Variants in ZNG1E observed in about 807,000 individuals in gnomAD.
ZNG1E encodes Zn regulated GTPase metalloprotein activator 1E.
the ZNG1E span, among the ~76,000 whole-genome samples, chr9:65,699,093 ATTTTT>A: frequency 7.7e-5 from 10 of 129,484 alleles, no homozygotes; most frequent in Admixed American, 6.4e-4. Context: ...ATTTTATTTT[ATTTTT>A]TTTTAGTAGA....
At chr9:65,683,949 T>G in the ZNG1E span, among the ~76,000 whole-genome samples, 2 of 152,286 alleles carry the variant, frequency 1.3e-5, no homozygotes, top group Admixed American at 1.3e-4. Flanking sequence ...ATAGCAAATA[T>G]CAGTTTATTT....
the ZNG1E span, among the ~76,000 whole-genome samples, chr9:65,674,051 T>A: frequency 2.0e-5 from 3 of 151,988 alleles, no homozygotes; most frequent in African/African-American, 7.3e-5. Flanking sequence ...AAAAAGCTTA[T>A]GAACCATTGT....
At chr9:65,716,486 G>C in the ZNG1E span, among the ~76,000 whole-genome samples, 1 of 149,224 alleles carries the variant, frequency 6.7e-6, no homozygotes, top group African/African-American at 2.5e-5. Context: ...TTTTGCCTTA[G>C]CCATGCCCTT....
chr9:65,663,801 CTCT>C, the ZNG1E span, among the ~76,000 whole-genome samples: 2 of 148,404 alleles, frequency 1.3e-5, no homozygotes, highest in African/African-American at 2.5e-5. Context: ...TTTTATATGC[CTCT>C]TGTAACCAGT....
chr9:65,684,677 G>T, the ZNG1E span, among the ~76,000 whole-genome samples: 3 of 152,072 alleles, frequency 2.0e-5, no homozygotes, highest in Non-Finnish European at 4.4e-5. Context: ...CTGGGAGCTT[G>T]TTAGAAATGC....
chr9:65,731,157 A>AT, the ZNG1E span, among the ~76,000 whole-genome samples: 1 of 151,408 alleles, frequency 6.6e-6, no homozygotes, highest in Admixed American at 6.6e-5. Flanking sequence ...TGGGTAGCTT[A>AT]TTTTTTTGAC....
chr9:65,682,353 C>G, the ZNG1E span: 1 of 150,910 alleles, frequency 6.6e-6, no homozygotes, highest in African/African-American at 2.5e-5. Context: ...AATTTAAAAC[C>G]TTGCATCCTA....
the ZNG1E span, among the ~76,000 whole-genome samples, chr9:65,712,872 T>C: frequency 3.6e-3 from 313 of 87,078 alleles, no homozygotes; most frequent in African/African-American, 4.2e-3. Context: ...CTATTAGGTC[T>C]GCTTGGTGCA....
chr9:65,694,293 TTG>T, the ZNG1E span, among the ~76,000 whole-genome samples: 1 of 143,704 alleles, frequency 7.0e-6, no homozygotes, highest in Admixed American at 7.1e-5. Context: ...CTAAGACATT[TTG>T]TTTTTTTTTT....
the ZNG1E span, among the ~76,000 whole-genome samples, chr9:65,656,069 A>C: frequency 1.1e-4 from 16 of 148,010 alleles, no homozygotes; most frequent in African/African-American, 4.1e-4. Flanking sequence ...AGCACGAGTC[A>C]GAGTTGTAAT....
the ZNG1E span, chr9:65,700,860 C>T: frequency 6.6e-6 from 1 of 152,478 alleles, no homozygotes; most frequent in Admixed American, 6.3e-5. Context: ...TTGACTTCAT[C>T]TTCCTTAACT....
chr9:65,694,084 A>C, the ZNG1E span, among the ~76,000 whole-genome samples: 13 of 150,578 alleles, frequency 8.6e-5, no homozygotes, highest in African/African-American at 3.2e-4. Context: ...GAATCAAAGA[A>C]TGATCCCAAA....
the ZNG1E span, among the ~76,000 whole-genome samples, chr9:65,666,516 C>A: frequency 0.012 from 1,698 of 139,540 alleles, 5 homozygotes; most frequent in Middle Eastern, 0.021. Flanking sequence ...CTTCTCCATA[C>A]CCTCTTTGTC....
At chr9:65,679,641 G>A in the ZNG1E span, 2 of 284,786 alleles carry the variant, frequency 7.0e-6, no homozygotes, top group Admixed American at 1.0e-4. Flanking sequence ...TGCCACCTCT[G>A]TCTCCCGGGT....
chr9:65,656,621 C>T, the ZNG1E span, among the ~76,000 whole-genome samples: 1 of 152,292 alleles, frequency 6.6e-6, no homozygotes, highest in African/African-American at 2.4e-5. Context: ...GTCCCTCTCC[C>T]AGCCTGGCAG....
At chr9:65,680,677 G>C in the ZNG1E span, among the ~76,000 whole-genome samples, 2 of 152,214 alleles carry the variant, frequency 1.3e-5, no homozygotes. Flanking sequence ...TTCTGTATTA[G>C]AGGAAAAGTA....
At chr9:65,676,573 A>G in the ZNG1E span, among the ~76,000 whole-genome samples, 7 of 145,422 alleles carry the variant, frequency 4.8e-5, no homozygotes, top group East Asian at 1.9e-4. Flanking sequence ...TTTCGTCAGC[A>G]GATTCCCCTT....
At chr9:65,671,685 A>G in the ZNG1E span, among the ~76,000 whole-genome samples, 2 of 152,030 alleles carry the variant, frequency 1.3e-5, no homozygotes, top group Non-Finnish European at 2.9e-5. Flanking sequence ...GATAGAGCAG[A>G]GGGGACTTCC....
chr9:65,654,687 CT>C, the ZNG1E span, among the ~76,000 whole-genome samples: 3 of 137,392 alleles, frequency 2.2e-5, no homozygotes, highest in Non-Finnish European at 3.2e-5. Context: ...ATCTGCCCCC[CT>C]GACCCAAACA....
Sources: allele counts gnomAD v4.1 joint callset (sites outside exome capture counted in the v4.1 genomes callset), GRCh38; gene constraint gnomAD v4.1.1; transcripts MANE v1.5; gene names NCBI Gene and HGNC (gene_info 2026-07-23, HGNC 2026-07-21).